The following TTC28 variants were observed in gnomAD, a reference collection of about 807,000 sequenced individuals.
The protein encoded by TTC28 is tetratricopeptide repeat domain 28.
A neutral mutation model predicts 198.0 loss-of-function variants in TTC28; 61 were observed. The ratio of observed to expected loss-of-function variants is 0.31; its 90% CI spans 0.25 to 0.38. The LOEUF is 0.38. Among genes scored for constraint, TTC28 ranks in the 10% least tolerant of loss-of-function variants. The pLI is 1.00. For missense variants in TTC28, 2,678 were observed against 3,164.0 expected (o/e 0.85, Z 3.69); for synonymous variants, 1,171 against 1,297.8 (o/e 0.90, Z 2.10).
Position 28,001,409 on chromosome 22 carries a change from C to G in TTC28, c.4363G>C (p.Val1455Leu), listed in dbSNP as rs1317259274. Residue 1455 changes from valine to leucine, a missense_variant, in exon 15 of 23, where the codon GTC becomes CTC. By Grantham distance (32) the Val-to-Leu change is conservative. Transcript: ENST00000397906. ...ACGCTGAGGGAGCGGATGGAAGGGA[C>G]AGCAAGGAGGCCGAAGCGCTCGTAG... ...YLYERFGLLA[V>L]PSIRSLSVQS... 1.3e-6 allele frequency: 2 copies of G among 1,551,374 alleles called. No individual in the cohort carries two copies. Among genetic ancestry groups the G allele is most frequent in the Admixed American group, 3.9e-5 (2 of 51,002 alleles).
intron 2 of TTC28, among the ~76,000 whole-genome samples, chr22:28,373,846 TG>T (rs1438864748): frequency 2.6e-5 from 4 of 152,236 alleles, no homozygotes; most frequent in Admixed American, 6.5e-5. Context: ...TGTTTTGTTT[TG>T]CTTCTGAAAG....
At position 28,506,690 on chromosome 22, in the gene TTC28, G is replaced by C. The variant is rs532791046; in HGVS notation, c.381+122862C>G. 2.0e-5 allele frequency among the ~76,000 whole-genome samples: 3 copies of C among 152,328 alleles called. No individual in the cohort carries two copies. The East Asian group carries it at 5.8e-4, about 29-fold the overall frequency. On this transcript the variant is annotated intron_variant, in intron 2 of 22. Transcript: ENST00000397906. Reference sequence around the variant, plus strand: ...AACAGATTAGTAATCCCCTGGGACAGAGCATTCAGAAGAAGGAGCAGGCTG... The same window carrying C: ...AACAGATTAGTAATCCCCTGGGACACAGCATTCAGAAGAAGGAGCAGGCTG...
At position 28,014,274 on chromosome 22, in the gene TTC28, C is replaced by T; in HGVS notation, c.4192G>A (p.Asp1398Asn). 6 of 1,551,534 alleles carry T rather than the reference C, an allele frequency of 3.9e-6. No homozygotes were observed. The highest frequency in any genetic ancestry group is 5.2e-6 in the Non-Finnish European group (6 of 1,146,918). ...FAKPPLRALY[D>N]LLIAPMEGGL... ...CCTTCCATGGGCGCGATGAGCAGGT[C>T]ATACAGGGCACGGAGCGGGGGCTTG... The change falls in exon 14 of 23, where the codon GAC becomes AAC. Residue 1398 changes from aspartate to asparagine, a missense_variant. Transcript: ENST00000397906.
intron 12 of TTC28, among the ~76,000 whole-genome samples, chr22:28,074,080 T>G (rs188897387): frequency 2.6e-5 from 4 of 152,148 alleles, no homozygotes; most frequent in African/African-American, 9.7e-5. Flanking sequence ...ACAAGCAAGA[T>G]GAAAAACAAA....
intron 2 of TTC28, among the ~76,000 whole-genome samples, chr22:28,394,717 G>C (rs757831912): frequency 1.3e-5 from 2 of 152,114 alleles, no homozygotes; most frequent in Non-Finnish European, 1.5e-5. Flanking sequence ...ACAGCTGCTT[G>C]GGCTACTGCC....
chr22:28,409,039 T>C (rs1334193733), intron 2 of TTC28, among the ~76,000 whole-genome samples: 2 of 152,248 alleles, frequency 1.3e-5, no homozygotes, highest in African/African-American at 2.4e-5. Flanking sequence ...TTATGACTCT[T>C]TTCGTTGCTT....
intron 2 of TTC28, among the ~76,000 whole-genome samples, chr22:28,507,474 G>C (rs753631814): frequency 6.6e-6 from 1 of 152,148 alleles, no homozygotes; most frequent in Non-Finnish European, 1.5e-5. Flanking sequence ...AACCAAGTTG[G>C]AAAACATACT....
chr22:28,446,696 G>A (rs561366534), intron 2 of TTC28, among the ~76,000 whole-genome samples: 3 of 152,248 alleles, frequency 2.0e-5, no homozygotes, highest in South Asian at 2.1e-4. Flanking sequence ...TGTATAGCCT[G>A]CAGAACCATA....
At chr22:28,523,426 G>C (rs2048946384) in intron 2 of TTC28, among the ~76,000 whole-genome samples, 1 of 152,104 alleles carries the variant, frequency 6.6e-6, no homozygotes, top group Non-Finnish European at 1.5e-5. Context: ...GGTAGGGCTG[G>C]ACCAAGATCT....
chr22:28,100,771 C>G (rs1231769379), intron 9 of TTC28, among the ~76,000 whole-genome samples: 11 of 152,164 alleles, frequency 7.2e-5, no homozygotes, highest in Admixed American at 7.2e-4. Context: ...AAGGGACTTT[C>G]CTTCAACTAC....
chr22:28,017,787 T>C (rs1938430241), intron 13 of TTC28, among the ~76,000 whole-genome samples: 1 of 152,140 alleles, frequency 6.6e-6, no homozygotes, highest in Non-Finnish European at 1.5e-5. Context: ...GGGATGAGCA[T>C]AAGGAGGCCA....
At chr22:28,372,599 C>T (rs576082187) in intron 2 of TTC28, among the ~76,000 whole-genome samples, 4 of 151,534 alleles carry the variant, frequency 2.6e-5, no homozygotes, top group Admixed American at 6.6e-5. Context: ...TCCAAGATTA[C>T]GCTCTTTGTT....
At chr22:28,591,040 C>CATATATAT (rs377761638) in intron 2 of TTC28, among the ~76,000 whole-genome samples, 19 of 30,750 alleles carry the variant, frequency 6.2e-4, no homozygotes, top group African/African-American at 1.5e-3. Flanking sequence ...CACACACACA[C>CATATATAT]ATATATATAT....
At chr22:28,033,775 C>T (rs74358793) in intron 12 of TTC28, among the ~76,000 whole-genome samples, 2,344 of 152,158 alleles carry the variant, frequency 0.015, 79 homozygotes, top group African/African-American at 0.054. Context: ...GCTTTGGTGC[C>T]CCTCACTCAT....
chr22:27,983,025 G>A lies in TTC28; in HGVS notation c.6642C>T (p.Phe2214=). Residue 2214 remains phenylalanine, a synonymous_variant, in exon 23 of 23, where the codon TTC becomes TTT. Transcript: ENST00000397906. ...TCTGATGGGAGAGAACAGGCCTGCT[G>A]AACGCACTGGTTTCTGACGCTCTGA... ...AVFRASETSA[F]SRPVLSHQKS... 1 of 1,551,694 alleles carries A rather than the reference G, an allele frequency of 6.4e-7. No individual in the cohort carries two copies. The highest frequency in any genetic ancestry group is 8.7e-7 in the Non-Finnish European group (1 of 1,146,978).
chr22:28,659,036 C>T (rs1380057612), intron 1 of TTC28, among the ~76,000 whole-genome samples: 1 of 151,990 alleles, frequency 6.6e-6, no homozygotes, highest in African/African-American at 2.4e-5. Flanking sequence ...AAGAGATGAT[C>T]TCCCTATCAT....
intron 14 of TTC28, among the ~76,000 whole-genome samples, chr22:28,013,056 C>G (rs1462462853): frequency 6.6e-6 from 1 of 152,180 alleles, no homozygotes; most frequent in Non-Finnish European, 1.5e-5. Flanking sequence ...GCGCAGCCTC[C>G]TGACAAATAT....
chr22:28,371,518 A>AAAAAAAAAAAAAAAAAAAAAAAAG, intron 2 of TTC28, among the ~76,000 whole-genome samples: 1 of 134,086 alleles, frequency 7.5e-6, no homozygotes, highest in Non-Finnish European at 1.6e-5. Flanking sequence ...TCAAAAAAAA[A>AAAAAAAAAAAAAAAAAAAAAAAAG]AAAAAAAAAA....
chr22:28,040,820 T>C (rs997240441), intron 12 of TTC28, among the ~76,000 whole-genome samples: 1 of 152,190 alleles, frequency 6.6e-6, no homozygotes, highest in African/African-American at 2.4e-5. Flanking sequence ...ATGACATGAT[T>C]GTATATTTAG....
Sources: allele counts gnomAD v4.1 joint callset (sites outside exome capture counted in the v4.1 genomes callset), GRCh38; gene constraint gnomAD v4.1.1; transcripts MANE v1.5; gene names NCBI Gene and HGNC (gene_info 2026-07-23, HGNC 2026-07-21).